The following VIP variants were observed in gnomAD, a reference collection of about 807,000 sequenced individuals.
VIP encodes the protein VIP peptides.
In VIP, 18 loss-of-function variants were observed where a neutral mutation model predicts 20.1. That is an observed-to-expected ratio of 0.90 (90% CI 0.62 to 1.33). The LOEUF (loss-of-function observed/expected upper bound fraction) is 1.33. Among genes scored for constraint, VIP ranks in the 40% most tolerant of loss-of-function variants. The probability of loss-of-function intolerance (pLI) is 0.00; values close to 1 mark genes in which losing one functional copy is unlikely to be tolerated. For synonymous variants in VIP, 70 were observed against 68.1 expected (o/e 1.03, Z -0.14); for missense variants, 209 against 199.4 (o/e 1.05, Z -0.29).
rs776837266 is a variant in VIP at position 152,757,110 on chromosome 6, C to A, written c.482C>A (p.Ser161Tyr). ...CTGGTCTGCAGCAGTGAGGGAGAAT[C>A]TCCCGACTTTCCAGAAGAGTTAGAA... The part of the protein sequence containing the change: ...LNGKRSSEGE[S>Y]PDFPEELEK The change falls in exon 6 of 7, where the codon TCT becomes TAT. Residue 161 changes from serine to tyrosine, a missense_variant. Transcript: ENST00000367244. 6.2e-7 allele frequency: 1 copy of A among 1,611,868 alleles called. No individual in the cohort carries two copies. Among genetic ancestry groups the A allele is most frequent in the South Asian group, 1.1e-5 (1 of 90,942 alleles).
At chr6:152,751,622 T>C (rs765833911) in intron 1 of VIP, among the ~76,000 whole-genome samples, 1 of 152,142 alleles carries the variant, frequency 6.6e-6, no homozygotes, top group Non-Finnish European at 1.5e-5. Context: ...GAAATAAGTT[T>C]CCGTAATATC....
At chr6:152,754,645 A>G (rs538215201) in intron 3 of VIP, among the ~76,000 whole-genome samples, 4 of 152,002 alleles carry the variant, frequency 2.6e-5, no homozygotes, top group Non-Finnish European at 5.9e-5. Context: ...GATACCTGAT[A>G]GAGCTGTTCA....
Position 152,754,185 on chromosome 6 carries a change from T to C in VIP, c.127T>C (p.Phe43Leu). 6.2e-7 allele frequency: 1 copy of C among 1,611,214 alleles called. No homozygotes were observed. The highest frequency in any genetic ancestry group is 1.1e-5 in the South Asian group (1 of 90,610). The change falls in exon 3 of 7, where the codon TTT becomes CTT. Residue 43 changes from phenylalanine (F) to leucine (L), a missense_variant. Transcript: ENST00000367244. The part of the protein sequence containing the change: ...SALRLGDRIP[F>L]EGANEPDQVS... ...CATCAGGTTGGGTGACAGAATACCC[T>C]TTGAGGGAGCAAATGAACCTGATCA...
intron 1 of VIP, among the ~76,000 whole-genome samples, chr6:152,751,333 A>G (rs1408012102): frequency 3.3e-5 from 5 of 151,678 alleles, no homozygotes; most frequent in African/African-American, 1.2e-4. Context: ...CCTATTTCGT[A>G]TGTTGGTTAA....
In VIP at chr6:152,757,321, T is replaced by C. The variant is rs541383798; in HGVS notation, c.*43+137T>C. Reference sequence around the variant, plus strand: ...AGACCTCATCCAAGACAGACACTTCTACAACAGTGGACCCCAACCCAGTAA... The same window carrying C: ...AGACCTCATCCAAGACAGACACTTCCACAACAGTGGACCCCAACCCAGTAA... On this transcript the variant is annotated intron_variant, in intron 6 of 6. Transcript: ENST00000367244. 33 of 593,948 alleles carry C rather than the reference T, an allele frequency of 5.6e-5. 1 individual carries two copies. In the East Asian group the frequency reaches 7.3e-4, roughly 13 times the overall value. The allele number at this position is 593,948 out of a possible 1,614,324, so 36.8% of individuals were successfully genotyped here. A position where few individuals can be genotyped will look rare whatever the true frequency, so the allele number is the denominator to read the frequency against.
chr6:152,752,385 T>C, intron 2 of VIP, 101 bp downstream of exon 2: 1 of 955,714 alleles, frequency 1.0e-6, no homozygotes, highest in East Asian at 2.7e-5. Flanking sequence ...AAATTATGTA[T>C]TATGTATTTA....
chr6:152,751,091 T>C (rs2099729550), intron 1 of VIP, 132 bp downstream of exon 1: 1 of 152,202 alleles, frequency 6.6e-6, no homozygotes, highest in Non-Finnish European at 1.5e-5. Context: ...AAAACAAGTT[T>C]CTCAAGTCAC....
intron 3 of VIP, 33 bp from the exon 4 acceptor site, chr6:152,755,236 A>C: frequency 3.5e-6 from 5 of 1,428,172 alleles, no homozygotes; most frequent in Non-Finnish European, 4.8e-6. Context: ...GCCATTTACA[A>C]AATAATAGCT....
chr6:152,755,536 C>T (rs566390067), intron 4 of VIP, among the ~76,000 whole-genome samples, 163 bp downstream of exon 4: 2 of 151,910 alleles, frequency 1.3e-5, no homozygotes, highest in South Asian at 4.1e-4. Context: ...TAACATCTAT[C>T]AAGCCCATGG....
At chr6:152,753,429 A>T (rs2099729949) in intron 2 of VIP, among the ~76,000 whole-genome samples, 2 of 152,134 alleles carry the variant, frequency 1.3e-5, no homozygotes, top group South Asian at 4.1e-4. Flanking sequence ...ATATGCATGC[A>T]TCCATAAATA....
intron 1 of VIP, 49 bp from the exon 2 acceptor site, chr6:152,752,119 G>T: frequency 7.3e-7 from 1 of 1,368,194 alleles, no homozygotes; most frequent in Non-Finnish European, 1.0e-6. Flanking sequence ...GAATTACCTT[G>T]CTGGTGACAT....
At chr6:152,758,235 C>T (rs967854038) in intron 6 of VIP, among the ~76,000 whole-genome samples, 5 of 151,986 alleles carry the variant, frequency 3.3e-5, no homozygotes, top group African/African-American at 1.2e-4. Context: ...GGCCTTACCT[C>T]AGTTCCTGAT....
chr6:152,751,763 T>C (rs1197908438), intron 1 of VIP, among the ~76,000 whole-genome samples: 1 of 152,158 alleles, frequency 6.6e-6, no homozygotes. Flanking sequence ...TACTCTAGTC[T>C]TATATTAGTC....
At chr6:152,755,873 A>G (rs944896598) in intron 4 of VIP, among the ~76,000 whole-genome samples, 1 of 151,934 alleles carries the variant, frequency 6.6e-6, no homozygotes, top group African/African-American at 2.4e-5. Context: ...GCTATTCCCA[A>G]ATTTTTATTT....
chr6:152,751,330 C>T (rs1456577161), intron 1 of VIP, among the ~76,000 whole-genome samples: 4 of 151,374 alleles, frequency 2.6e-5, no homozygotes, highest in East Asian at 1.9e-4. Context: ...TTTCCTATTT[C>T]GTATGTTGGT....
At position 152,759,498 on chromosome 6, in the gene VIP, CCT is replaced by C. The variant is rs1482856359; in HGVS notation, c.*633_*634del. ...GATTGCTAATCACCAAAGGCTCTCT[CCT>C]GATAGTCTTTCAGTTAAGGAGAACG... is the stretch of plus-strand genomic sequence containing the variant. On this transcript the variant is annotated 3_prime_UTR_variant, in exon 7 of 7. Coordinates refer to ENST00000367244, the MANE Select transcript of VIP (RefSeq NM_003381.4). 6.6e-6 allele frequency: 1 copy of C among 150,874 alleles called. No homozygotes were observed. Among genetic ancestry groups the C allele is most frequent in the Non-Finnish European group, 1.5e-5 (1 of 67,906 alleles). 9.3% of individuals were successfully genotyped at this position (150,874 alleles called of 1,614,324 possible). A position where few individuals can be genotyped will look rare whatever the true frequency, so the allele number is the denominator to read the frequency against.
At chr6:152,754,037 G>A (rs1477637022) in intron 2 of VIP, 129 bp from the exon 3 acceptor site, 1 of 1,011,592 alleles carries the variant, frequency 9.9e-7, no homozygotes, top group Admixed American at 3.3e-5. Context: ...GTCAAATTAT[G>A]CTATTCTCAT....
intron 1 of VIP, 45 bp from the exon 2 acceptor site, chr6:152,752,123 G>T (rs1297271421): frequency 1.4e-6 from 2 of 1,417,202 alleles, no homozygotes; most frequent in East Asian, 4.6e-5. Context: ...TACCTTGCTG[G>T]TGACATCTTT....
chr6:152,755,715 C>T (rs537968858), intron 4 of VIP, among the ~76,000 whole-genome samples: 10 of 151,864 alleles, frequency 6.6e-5, no homozygotes, highest in Non-Finnish European at 1.2e-4. Context: ...ATTCTTTTTA[C>T]TTCCTGCTCA....
Sources: allele counts gnomAD v4.1 joint callset (sites outside exome capture counted in the v4.1 genomes callset), GRCh38; gene constraint gnomAD v4.1.1; transcripts MANE v1.5; gene names NCBI Gene and HGNC (gene_info 2026-07-23, HGNC 2026-07-21).